HNF1A: variants seen among roughly 807,000 people sequenced by gnomAD.
HNF1A encodes the protein HNF1 homeobox A, also known as hepatocyte nuclear factor 1-alpha.
HNF1A carries 21 observed loss-of-function variants against 62.2 expected under a neutral mutation model. The observed-to-expected ratio is 0.34, with a 90% CI of 0.24 to 0.49. HNF1A has a LOEUF of 0.49. HNF1A is among the 20% of genes least tolerant of loss of function. The probability of loss-of-function intolerance (pLI) is 0.99; values close to 1 mark genes in which losing one functional copy is unlikely to be tolerated. For synonymous variants in HNF1A, 374 were observed against 366.8 expected (o/e 1.02, Z -0.22); for missense variants, 687 against 832.3 (o/e 0.83, Z 2.15).
chr12:120,998,634 G>A (rs1877240926), intron 7 of HNF1A, among the ~76,000 whole-genome samples: 1 of 152,182 alleles, frequency 6.6e-6, no homozygotes, highest in Admixed American at 6.5e-5. Context: ...GTGAGAATAT[G>A]TGGTTTATGT....
intron 1 of HNF1A, among the ~76,000 whole-genome samples, chr12:120,987,836 C>T (rs1319401019): frequency 6.6e-6 from 1 of 152,006 alleles, no homozygotes; most frequent in Admixed American, 6.6e-5. Flanking sequence ...TAATCACTGG[C>T]AGTAAATGCA....
intron 7 of HNF1A, among the ~76,000 whole-genome samples, chr12:120,998,941 A>C (rs912240094): frequency 2.6e-5 from 4 of 152,060 alleles, no homozygotes; most frequent in African/African-American, 9.7e-5. Context: ...AGTACGTAGC[A>C]CCCGTGCTTA....
In HNF1A at chr12:121,001,929, C is replaced by T. The variant is rs1305595276; in HGVS notation, c.*737C>T. ...ATTTGTTCCCAAGAGCATCATGCCTCTGAGGCCAGCCTGGCCTCCTGCCTC... is the reference window on the plus strand; with the variant it reads ...ATTTGTTCCCAAGAGCATCATGCCTTTGAGGCCAGCCTGGCCTCCTGCCTC... On this transcript the variant is annotated 3_prime_UTR_variant, in exon 10 of 10. Coordinates refer to ENST00000257555, the MANE Select transcript of HNF1A (RefSeq NM_000545.8). 1.9e-6 allele frequency: 1 copy of T among 522,136 alleles called. No individual in the cohort carries two copies. Among genetic ancestry groups the T allele is most frequent in the African/African-American group, 1.9e-5 (1 of 53,572 alleles). 32.3% of individuals were successfully genotyped at this position (522,136 alleles called of 1,614,324 possible).
intron 1 of HNF1A, among the ~76,000 whole-genome samples, chr12:120,987,383 G>A (rs1294330092): frequency 6.6e-6 from 1 of 150,906 alleles, no homozygotes; most frequent in Non-Finnish European, 1.5e-5. Flanking sequence ...GCTGAGGCAG[G>A]AGAACGGCAT....
rs139016696 is a variant in HNF1A at position 120,988,847 on chromosome 12, G to T, written c.341G>T (p.Arg114Leu). The stretch of plus-strand genomic sequence containing the variant: ...CCCTCTCCCAGGGAGGACCCGTGGC[G>T]TGTGGCGAAGATGGTCAAGTCCTAC... ...VETLLQEDPWRVAKMVKSYLQ... is the reference protein window; with the variant it reads ...VETLLQEDPWLVAKMVKSYLQ... Residue 114 changes from arginine (R) to leucine (L), a missense_variant, in exon 2 of 10, where the codon CGT becomes CTT. Transcript: ENST00000257555. The T allele has an allele frequency of 1.2e-6, 2 of 1,614,218 alleles. No homozygotes were observed. The highest frequency in any genetic ancestry group is 1.7e-6 in the Non-Finnish European group (2 of 1,180,048).
chr12:120,983,550 CT>C lies in HNF1A; in HGVS notation c.326+4469del, dbSNP rs554689596. Among the ~76,000 whole-genome samples the C allele has an allele frequency of 8.7e-3, 1,245 of 143,508 alleles. 7 individuals are homozygous for C. The highest frequency in any genetic ancestry group is 0.024 in the African/African-American group (953 of 39,204). The allele number at this position is 143,508 out of a possible 152,430, so 94.1% of individuals were successfully genotyped here. A position where few individuals can be genotyped will look rare whatever the true frequency, so the allele number is the denominator to read the frequency against. Reference sequence around the variant, plus strand: ...TTAGTTCTTTCCTTTTTCTTTCTTTCTTTTTTTTTTTTTGAGATGGAGTCTC... The same window carrying C: ...TTAGTTCTTTCCTTTTTCTTTCTTTCTTTTTTTTTTTTGAGATGGAGTCTC... On this transcript the variant is annotated intron_variant, in intron 1 of 9. Transcript: ENST00000257555.
At position 121,001,161 on chromosome 12, in the gene HNF1A, T is replaced by A. The variant is rs768419842; in HGVS notation, c.1865T>A (p.Ile622Asn). ...PSNHSVIETF[I>N]STQMASSSQ Reference sequence around the variant, plus strand: ...AACCACAGCGTCATCGAGACCTTCATCTCCACCCAGATGGCCTCTTCCTCC... The same window carrying A: ...AACCACAGCGTCATCGAGACCTTCAACTCCACCCAGATGGCCTCTTCCTCC... Residue 622 changes from isoleucine (I) to asparagine (N), a missense_variant, in exon 10 of 10, where the codon ATC (isoleucine) becomes AAC (asparagine). Ile to Asn is a moderately radical substitution (Grantham distance 149). Coordinates refer to ENST00000257555, the MANE Select transcript of HNF1A (RefSeq NM_000545.8). 1 of 1,614,070 alleles carries A rather than the reference T, an allele frequency of 6.2e-7. No homozygotes were observed. Among genetic ancestry groups the A allele is most frequent in the Non-Finnish European group, 8.5e-7 (1 of 1,179,982 alleles).
At chr12:120,993,786 C>A in intron 3 of HNF1A, 80 bp downstream of exon 3, 1 of 1,407,418 alleles carries the variant, frequency 7.1e-7, no homozygotes, top group Non-Finnish European at 9.9e-7. Context: ...ACTCTAGGTC[C>A]TGTAAAAGGC....
At chr12:121,001,031 G>C (rs970430744) in intron 9 of HNF1A, 34 bp from the exon 10 acceptor site, 2 of 1,611,180 alleles carry the variant, frequency 1.2e-6, no homozygotes, top group African/African-American at 2.7e-5. Flanking sequence ...GTGGGTGCCT[G>C]GTGGGTGGCT....
chr12:120,996,934 AACTCAAGC>A lies in HNF1A; in HGVS notation c.1309+194_1309+201del. 6.7e-7 allele frequency: 1 copy of A among 1,501,482 alleles called. No homozygotes were observed. The highest frequency in any genetic ancestry group is 9.1e-7 in the Non-Finnish European group (1 of 1,103,920). The allele number at this position is 1,501,482 out of a possible 1,614,324, so 93.0% of individuals were successfully genotyped here. On this transcript the variant is annotated intron_variant, in intron 6 of 9. Coordinates refer to ENST00000257555, the MANE Select transcript of HNF1A (RefSeq NM_000545.8). The surrounding 1 kb of genome is among the most constrained non-coding windows in gnomAD (Gnocchi z 4.5). ...GAACCAAACAGACCAAAATCTCAGC[AACTCAAGC>A]AGGGAGGCAGGCACTAAGCATAATA...
intron 7 of HNF1A, chr12:120,998,069 C>CA: frequency 2.3e-6 from 1 of 436,032 alleles, no homozygotes; most frequent in South Asian, 2.2e-5. Flanking sequence ...CACTTGAGGT[C>CA]AGGAGTTCAA....
At chr12:120,980,121 G>A (rs1463692728) in intron 1 of HNF1A, among the ~76,000 whole-genome samples, 1 of 152,198 alleles carries the variant, frequency 6.6e-6, no homozygotes, top group Non-Finnish European at 1.5e-5. Context: ...TCATGGTGAG[G>A]AGTCCTGGGC....
intron 9 of HNF1A, 139 bp downstream of exon 9, chr12:120,999,766 C>A: frequency 1.7e-6 from 2 of 1,184,690 alleles, no homozygotes; most frequent in Non-Finnish European, 2.3e-6. Flanking sequence ...CACTGGCAGG[C>A]GTGGAGGGGT....
In HNF1A at chr12:120,996,706, A is replaced by G; in HGVS notation, c.1273A>G (p.Thr425Ala). The G allele has an allele frequency of 6.2e-7, 1 of 1,613,994 alleles. No homozygotes were observed. The highest frequency in any genetic ancestry group is 8.5e-7 in the Non-Finnish European group (1 of 1,179,972). The change falls in exon 6 of 10, where the codon ACG becomes GCG. Residue 425 changes from threonine (T) to alanine (A), a missense_variant. Coordinates refer to ENST00000257555, the MANE Select transcript of HNF1A (RefSeq NM_000545.8). The surrounding 1 kb of genome is among the most constrained non-coding windows in gnomAD (Gnocchi z 4.5). ...TGGTGAGCCTGCCTCCCTGGGTCCT[A>G]CGTTCACCAACACAGGTGCCTCCAC... Reference protein sequence around the residue: ...GPGEPASLGPTFTNTGASTLV... With the variant: ...GPGEPASLGPAFTNTGASTLV...
intron 4 of HNF1A, 106 bp downstream of exon 4, chr12:120,994,511 C>A: frequency 1.5e-6 from 2 of 1,293,498 alleles, no homozygotes; most frequent in Non-Finnish European, 2.1e-6. Context: ...CAGTTTGGTT[C>A]CATTCCATTC....
chr12:120,997,102 T>G, intron 6 of HNF1A: 14 of 1,403,574 alleles, frequency 1.0e-5, no homozygotes, highest in Non-Finnish European at 1.3e-5. Context: ...GCAGGTACAA[T>G]TATGCAGAAG....
intron 1 of HNF1A, chr12:120,980,688 T>C (rs1876207965): frequency 6.6e-6 from 1 of 151,950 alleles, no homozygotes; most frequent in Non-Finnish European, 1.5e-5. Context: ...TTTGGTGGGA[T>C]GGTGGGGTTG....
chr12:120,997,926 CTG>C, intron 7 of HNF1A: 1 of 652,824 alleles, frequency 1.5e-6, no homozygotes, highest in East Asian at 2.7e-5. Context: ...GTGTGCATGC[CTG>C]TGTTTCTCTG....
At position 121,000,845 on chromosome 12, in the gene HNF1A, A is replaced by G. The variant is rs970189181; in HGVS notation, c.1769-220A>G. 26 of 601,658 alleles carry G rather than the reference A, an allele frequency of 4.3e-5. No homozygotes were observed. In the Admixed American group the frequency reaches 5.3e-4, roughly 12 times the overall value. The allele number at this position is 601,658 out of a possible 1,614,324, so 37.3% of individuals were successfully genotyped here. A position where few individuals can be genotyped will look rare whatever the true frequency, so the allele number is the denominator to read the frequency against. ...TCACCGGGGCTTCTCCAGTGTTCACACTAAGATGTACTCAGGCCACTCCAT... is the reference window on the plus strand; with the variant it reads ...TCACCGGGGCTTCTCCAGTGTTCACGCTAAGATGTACTCAGGCCACTCCAT... On this transcript the variant is annotated intron_variant, in intron 9 of 9. Coordinates refer to ENST00000257555, the MANE Select transcript of HNF1A (RefSeq NM_000545.8).
Sources: gnomAD v4.1 joint callset for allele counts (sites outside exome capture counted in the v4.1 genomes callset) on GRCh38, gnomAD v4.1.1 for gene constraint, Gnocchi (gnomAD v3.1) non-coding constraint, MANE v1.5 for transcripts, NCBI Gene and HGNC (gene_info 2026-07-23, HGNC 2026-07-21) for gene names.